The following SPHKAP variants were observed in gnomAD, a reference collection of about 807,000 sequenced individuals.
The protein encoded by SPHKAP is A-kinase anchor protein SPHKAP.
Under a neutral mutation model 137.5 loss-of-function variants are expected in SPHKAP, and 67 were observed. The ratio of observed to expected loss-of-function variants is 0.49; its 90% CI spans 0.40 to 0.60. The LOEUF (loss-of-function observed/expected upper bound fraction) is 0.60, where lower values mean the gene tolerates loss of function less well. SPHKAP is among the 20% of genes least tolerant of loss of function. SPHKAP has a pLI of 0.00. For missense variants in SPHKAP, 2,097 were observed against 2,069.3 expected, an observed-to-expected ratio of 1.01 and a Z score of -0.26; for synonymous variants, 813 against 785.3, an observed-to-expected ratio of 1.04 and a Z score of -0.59.
intron 3 of SPHKAP, among the ~76,000 whole-genome samples, chr2:228,033,241 A>G (rs1409750905): frequency 4.6e-5 from 7 of 152,216 alleles, no homozygotes; most frequent in Non-Finnish European, 5.9e-5. Context: ...AGTCTCTGAT[A>G]AAACAGACTT....
intron 3 of SPHKAP, among the ~76,000 whole-genome samples, chr2:228,087,325 CCA>C (rs1697571084): frequency 6.6e-6 from 1 of 151,886 alleles, no homozygotes; most frequent in South Asian, 2.1e-4. Flanking sequence ...GAGTCAGTAC[CCA>C]GAGTTGTTAG....
At chr2:228,030,325 C>A (rs1255639655) in intron 3 of SPHKAP, among the ~76,000 whole-genome samples, 3 of 151,848 alleles carry the variant, frequency 2.0e-5, no homozygotes, top group Non-Finnish European at 4.4e-5. Context: ...ACTCTCCTGG[C>A]CAACGTGGTG....
At chr2:228,021,103 A>G (rs1014714537) in intron 6 of SPHKAP, among the ~76,000 whole-genome samples, 1 of 152,196 alleles carries the variant, frequency 6.6e-6, no homozygotes, top group Non-Finnish European at 1.5e-5. Flanking sequence ...CTCTGTGGCT[A>G]AAAGTGGGGA....
chr2:228,043,389 C>G (rs772858555), intron 3 of SPHKAP, among the ~76,000 whole-genome samples: 1 of 152,198 alleles, frequency 6.6e-6, no homozygotes, highest in Non-Finnish European at 1.5e-5. Context: ...TGCAGTGGCA[C>G]GATCTCGGCT....
chr2:228,002,219 T>C (rs1354056672), intron 7 of SPHKAP, among the ~76,000 whole-genome samples: 1 of 152,182 alleles, frequency 6.6e-6, no homozygotes, highest in African/African-American at 2.4e-5. Context: ...CTCCACATCC[T>C]CTCCAGCACC....
At chr2:228,049,003 G>C (rs752673620) in intron 3 of SPHKAP, among the ~76,000 whole-genome samples, 5 of 152,184 alleles carry the variant, frequency 3.3e-5, no homozygotes. Context: ...GACCGGGAAA[G>C]GGAGTGTGGG....
chr2:228,012,724 T>C (rs562890805), intron 7 of SPHKAP, among the ~76,000 whole-genome samples: 3 of 152,336 alleles, frequency 2.0e-5, no homozygotes, highest in African/African-American at 7.2e-5. Flanking sequence ...GTTGGATGAA[T>C]AATTTTTTTT....
At chr2:228,055,526 T>C (rs1030013228) in intron 3 of SPHKAP, among the ~76,000 whole-genome samples, 2 of 152,160 alleles carry the variant, frequency 1.3e-5, no homozygotes, top group South Asian at 4.1e-4. Flanking sequence ...CTCCAAAAAC[T>C]AACTGCTGCT....
chr2:228,025,570 C>T (rs1695002577), intron 4 of SPHKAP, 42 bp from the exon 5 acceptor site: 1 of 1,607,680 alleles, frequency 6.2e-7, no homozygotes, highest in Non-Finnish European at 8.5e-7. Context: ...GATTTCTTTT[C>T]ACCAAATACT....
chr2:228,176,950 C>T (rs145169330), intron 1 of SPHKAP, among the ~76,000 whole-genome samples: 2 of 152,240 alleles, frequency 1.3e-5, no homozygotes, highest in East Asian at 3.9e-4. Flanking sequence ...TTTCCTCTTC[C>T]CCTCCTTACA....
At chr2:228,059,904 G>A in intron 3 of SPHKAP, among the ~76,000 whole-genome samples, 1 of 152,168 alleles carries the variant, frequency 6.6e-6, no homozygotes, top group East Asian at 1.9e-4. Flanking sequence ...TCTATGCTAA[G>A]TGCTTGTACA....
At chr2:228,129,381 C>CT (rs1699176296) in intron 2 of SPHKAP, among the ~76,000 whole-genome samples, 1 of 152,108 alleles carries the variant, frequency 6.6e-6, no homozygotes. Context: ...TGTTGTCTCA[C>CT]ATAATAGTTT....
chr2:228,065,359 A>T (rs1048645855), intron 3 of SPHKAP, among the ~76,000 whole-genome samples: 1 of 152,318 alleles, frequency 6.6e-6, no homozygotes, highest in South Asian at 2.1e-4. Flanking sequence ...AGGTACCAGC[A>T]TTGCCATGAG....
intron 3 of SPHKAP, among the ~76,000 whole-genome samples, chr2:228,069,445 C>CTTTTT (rs1250162411): frequency 1.6e-4 from 13 of 81,532 alleles, no homozygotes; most frequent in African/African-American, 5.6e-4. Flanking sequence ...TTCTTTCTTT[C>CTTTTT]TTTCTTTTTT....
intron 3 of SPHKAP, among the ~76,000 whole-genome samples, chr2:228,107,696 G>T (rs1698386797): frequency 6.6e-6 from 1 of 152,114 alleles, no homozygotes; most frequent in South Asian, 2.1e-4. Context: ...TTATGGCTGT[G>T]TAACTAGAGA....
At chr2:228,145,240 C>T (rs1699741011) in intron 1 of SPHKAP, among the ~76,000 whole-genome samples, 1 of 152,210 alleles carries the variant, frequency 6.6e-6, no homozygotes, top group Non-Finnish European at 1.5e-5. Flanking sequence ...ATCTTCTAAT[C>T]TCCTAATGTG....
In SPHKAP at chr2:227,981,852, A is replaced by G. The variant is rs536679519; in HGVS notation, c.4968T>C (p.Asp1656=). ...SQENRIEKFL[D]VVQLVHRKSW... is the part of the protein sequence containing the mutation. The stretch of plus-strand genomic sequence containing the variant: ...ACTTCCGATGAACCAGCTGCACGAC[A>G]TCTAGAAACTAAAATAAAACGGAGA... Residue 1656 remains aspartate, a synonymous_variant, in exon 12 of 12, where the codon GAT becomes GAC. Coordinates refer to ENST00000392056, the MANE Select transcript of SPHKAP (RefSeq NM_001142644.2). The G allele has an allele frequency of 6.2e-7, 1 of 1,612,946 alleles. No homozygotes were observed. Among genetic ancestry groups the G allele is most frequent in the East Asian group, 2.2e-5 (1 of 44,804 alleles).
chr2:228,163,681 A>G (rs188674179), intron 1 of SPHKAP, among the ~76,000 whole-genome samples: 9 of 152,234 alleles, frequency 5.9e-5, no homozygotes, highest in African/African-American at 2.2e-4. Context: ...ATAGCAACAA[A>G]TATTATGAAG....
intron 3 of SPHKAP, among the ~76,000 whole-genome samples, chr2:228,045,437 T>C (rs13025586): frequency 0.27 from 30,806 of 112,110 alleles, 5,603 homozygotes; most frequent in Middle Eastern, 0.42. Context: ...GAAGAGTTCA[T>C]GTCCTTTGTA....
Sources: allele counts gnomAD v4.1 joint callset (sites outside exome capture counted in the v4.1 genomes callset), GRCh38; gene constraint gnomAD v4.1.1; transcripts MANE v1.5; gene names NCBI Gene and HGNC (gene_info 2026-07-23, HGNC 2026-07-21).